Variants in WWOX observed in about 807,000 individuals in gnomAD.
WWOX encodes the protein WW domain-containing oxidoreductase.
WWOX carries 69 observed loss-of-function variants against 46.2 expected under a neutral mutation model. The ratio of observed to expected loss-of-function variants is 1.49; its 90% CI spans 1.23 to 1.82. The LOEUF (loss-of-function observed/expected upper bound fraction) is 1.82, where lower values mean the gene tolerates loss of function less well. Ranked by LOEUF, WWOX falls within the 40% of genes most tolerant of loss-of-function variation. The probability of loss-of-function intolerance (pLI) is 0.00; values close to 1 mark genes in which losing one functional copy is unlikely to be tolerated. For synonymous variants in WWOX, 359 were observed against 202.6 expected (o/e 1.77, Z -6.56); for missense variants, 919 against 542.6 (o/e 1.69, Z -6.89).
At chr16:78,319,879 C>T (rs1005658345) in intron 5 of WWOX, among the ~76,000 whole-genome samples, 1 of 152,154 alleles carries the variant, frequency 6.6e-6, no homozygotes, top group Non-Finnish European at 1.5e-5. Flanking sequence ...TCTTTTCTGC[C>T]TGGGAGGCAC....
intron 8 of WWOX, among the ~76,000 whole-genome samples, chr16:78,457,088 G>A (rs959328485): frequency 1.3e-5 from 2 of 152,292 alleles, no homozygotes; most frequent in South Asian, 2.1e-4. Flanking sequence ...CTTCTGTGCC[G>A]TTAAGGGAAT....
intron 8 of WWOX, among the ~76,000 whole-genome samples, chr16:79,041,200 C>G (rs868100550): frequency 1.3e-5 from 2 of 152,106 alleles, no homozygotes; most frequent in Non-Finnish European, 2.9e-5. Flanking sequence ...AAAATAAAAA[C>G]GAATGCAAAA....
intron 8 of WWOX, among the ~76,000 whole-genome samples, chr16:78,929,593 G>T (rs538005659): frequency 1.3e-5 from 2 of 152,260 alleles, no homozygotes; most frequent in South Asian, 4.1e-4. Flanking sequence ...GAGCCTGGTG[G>T]ACAAGGAGGG....
intron 8 of WWOX, among the ~76,000 whole-genome samples, chr16:78,795,922 C>T (rs565982099): frequency 1.0e-3 from 159 of 151,932 alleles, no homozygotes; most frequent in Non-Finnish European, 1.5e-3. Context: ...TTTAAGTAAG[C>T]GAACGAAATG....
chr16:78,409,013 A>G (rs949218486), intron 6 of WWOX, among the ~76,000 whole-genome samples: 1 of 152,134 alleles, frequency 6.6e-6, no homozygotes, highest in Admixed American at 6.6e-5. Flanking sequence ...CCTACCTCTG[A>G]TTTCTTAATG....
intron 8 of WWOX, among the ~76,000 whole-genome samples, chr16:79,031,981 G>A (rs945047722): frequency 2.1e-5 from 3 of 142,842 alleles, no homozygotes; most frequent in Non-Finnish European, 4.6e-5. Context: ...GAACTGAACG[G>A]GATGCTTTTT....
At chr16:79,101,343 C>G (rs367737019) in intron 8 of WWOX, 2 of 152,176 alleles carry the variant, frequency 1.3e-5, no homozygotes, top group Non-Finnish European at 2.9e-5. Context: ...GACACAAGAT[C>G]GTTCGCAGGT....
chr16:78,416,280 G>A (rs8058017), intron 6 of WWOX, among the ~76,000 whole-genome samples: 5,728 of 152,190 alleles, frequency 0.038, 217 homozygotes, highest in East Asian at 0.15. Context: ...AAAACTGAGC[G>A]CAATGTGCCA....
intron 8 of WWOX, among the ~76,000 whole-genome samples, chr16:78,587,553 G>A (rs781443305): frequency 6.6e-6 from 1 of 151,922 alleles, no homozygotes. Flanking sequence ...CCTGAGATTC[G>A]CTCACTGCCC....
At position 78,808,240 on chromosome 16, in the gene WWOX, C is replaced by G. The variant is rs78694426; in HGVS notation, c.1056+375488C>G. 4.6e-3 allele frequency among the ~76,000 whole-genome samples: 700 copies of G among 152,318 alleles called. 9 individuals carry two copies. The highest frequency in any genetic ancestry group is 0.031 in the East Asian group (158 of 5,174). ...TGTGATACCCATAGGGACCCTGAACCTCTAGTCCTCAAGAGCAGTCATTCA... is the reference window on the plus strand; with the variant it reads ...TGTGATACCCATAGGGACCCTGAACGTCTAGTCCTCAAGAGCAGTCATTCA... On this transcript the variant is annotated intron_variant, in intron 8 of 8. Transcript: ENST00000566780.
intron 8 of WWOX, among the ~76,000 whole-genome samples, chr16:79,123,930 G>T (rs566782823): frequency 6.6e-6 from 1 of 152,294 alleles, no homozygotes; most frequent in East Asian, 1.9e-4. Context: ...GTCTCCTGCT[G>T]TATCAAATCA....
intron 8 of WWOX, among the ~76,000 whole-genome samples, chr16:78,544,344 C>T (rs368462319): frequency 5.4e-4 from 83 of 152,312 alleles, no homozygotes; most frequent in African/African-American, 1.7e-3. Context: ...TTATTGAGAG[C>T]ACTCTTCTGA....
chr16:79,102,780 A>G (rs1411471795), intron 8 of WWOX, among the ~76,000 whole-genome samples: 1 of 152,176 alleles, frequency 6.6e-6, no homozygotes, highest in African/African-American at 2.4e-5. Context: ...TTAAACACCT[A>G]AAGACTCTTT....
chr16:78,861,089 G>A (rs1013254989), intron 8 of WWOX, among the ~76,000 whole-genome samples: 2 of 152,086 alleles, frequency 1.3e-5, no homozygotes, highest in African/African-American at 2.4e-5. Context: ...CAAAGTGTTG[G>A]GATTATAGGT....
At chr16:79,098,505 C>T (rs567051095) in intron 8 of WWOX, among the ~76,000 whole-genome samples, 2 of 152,252 alleles carry the variant, frequency 1.3e-5, no homozygotes, top group African/African-American at 4.8e-5. Context: ...TTCACCCCTT[C>T]CCTGGTACTG....
At chr16:79,066,694 G>A (rs896809044) in intron 8 of WWOX, among the ~76,000 whole-genome samples, 4 of 152,228 alleles carry the variant, frequency 2.6e-5, no homozygotes, top group African/African-American at 4.8e-5. Context: ...GCATTTCTCA[G>A]GCTCTGTGCC....
chr16:78,566,559 G>C (rs984370092), intron 8 of WWOX, among the ~76,000 whole-genome samples: 1 of 152,178 alleles, frequency 6.6e-6, no homozygotes, highest in African/African-American at 2.4e-5. Flanking sequence ...GAGGCTGTCT[G>C]TGCTGAGGCT....
intron 8 of WWOX, among the ~76,000 whole-genome samples, chr16:78,512,302 T>C (rs1051223575): frequency 1.3e-5 from 2 of 152,208 alleles, no homozygotes; most frequent in Non-Finnish European, 2.9e-5. Context: ...GCAATTACTC[T>C]TATGGATTGT....
chr16:78,275,104 C>A (rs573196149), intron 5 of WWOX, among the ~76,000 whole-genome samples: 3 of 152,280 alleles, frequency 2.0e-5, no homozygotes, highest in Non-Finnish European at 4.4e-5. Context: ...TGAGACTTGG[C>A]TCTTGCCTTT....
Sources: gnomAD v4.1 joint callset for allele counts (sites outside exome capture counted in the v4.1 genomes callset) on GRCh38, gnomAD v4.1.1 for gene constraint, MANE v1.5 for transcripts, NCBI Gene and HGNC (gene_info 2026-07-23, HGNC 2026-07-21) for gene names.